The following ANKRD36 variants were observed in gnomAD, a reference collection of about 807,000 sequenced individuals.
The protein encoded by ANKRD36 is ankyrin repeat domain-containing protein 36A.
A neutral mutation model predicts 278.1 loss-of-function variants in ANKRD36; 179 were observed. That is an observed-to-expected ratio of 0.64 (90% confidence interval 0.57 to 0.73). ANKRD36 has a LOEUF of 0.73. ANKRD36 is among the 30% of genes least tolerant of loss of function. The pLI, the probability that ANKRD36 is intolerant of heterozygous loss-of-function variation, is 0.00. For synonymous variants in ANKRD36, 320 were observed against 641.1 expected, an observed-to-expected ratio of 0.50 and a Z score of 7.57; for missense variants, 1,159 against 1,956.7, an observed-to-expected ratio of 0.59 and a Z score of 7.69.
chr2:97,256,340 A>G (rs1193999743), intron 75 of ANKRD36, among the ~76,000 whole-genome samples: 2 of 152,214 alleles, frequency 1.3e-5, no homozygotes, highest in East Asian at 3.9e-4. Context: ...CTGGGCAACA[A>G]AAGCAAAACT....
At chr2:97,240,982 G>GTTTTTTT (rs763385352) in intron 68 of ANKRD36, among the ~76,000 whole-genome samples, 2 of 52,986 alleles carry the variant, frequency 3.8e-5, no homozygotes, top group East Asian at 8.8e-4. Context: ...ACATAACTAT[G>GTTTTTTT]TTTTTTTTTT....
At chr2:97,122,816 T>C (rs1314926924) in intron 3 of ANKRD36, 71 bp from the exon 4 acceptor site, 1 of 1,395,790 alleles carries the variant, frequency 7.2e-7, no homozygotes, top group Non-Finnish European at 9.7e-7. Flanking sequence ...GGATCTTACT[T>C]ACATAAGGTT....
At position 97,113,399 on chromosome 2, in the gene ANKRD36, C is replaced by T. The variant is rs1291973862; in HGVS notation, c.-341C>T. The T allele has an allele frequency of 8.9e-6, 3 of 335,842 alleles. No individual in the cohort carries two copies. Among genetic ancestry groups the T allele is most frequent in the East Asian group, 1.7e-4 (2 of 11,692 alleles). 20.8% of individuals were successfully genotyped at this position (335,842 alleles called of 1,614,324 possible). A position where few individuals can be genotyped will look rare whatever the true frequency, so the allele number is the denominator to read the frequency against. On this transcript the variant is annotated 5_prime_UTR_variant, in exon 1 of 76. Transcript: ENST00000420699. ...GGAGCCTGTGGAAGAGAAGAGCGCG[C>T]GGGCGACAGTTAAACAGGCCCTGGG...
chr2:97,200,589 A>G lies in ANKRD36; in HGVS notation c.2857+64A>G. Reference sequence around the variant, plus strand: ...AGATAAGAAGTTCTCTTCCCCGAATAAATCAGTCGGGGGCTGGTTGAAGCT... The same window carrying G: ...AGATAAGAAGTTCTCTTCCCCGAATGAATCAGTCGGGGGCTGGTTGAAGCT... On this transcript the variant is annotated intron_variant, in intron 46 of 75. Transcript: ENST00000420699. 7 of 1,533,228 alleles carry G rather than the reference A, an allele frequency of 4.6e-6. 1 individual carries two copies. The South Asian group carries it at 4.8e-5, about 11-fold the overall frequency. The allele number at this position is 1,533,228 out of a possible 1,614,324, so 95.0% of individuals were successfully genotyped here. A position where few individuals can be genotyped will look rare whatever the true frequency, so the allele number is the denominator to read the frequency against.
rs1298990662 is a variant in ANKRD36 at position 97,118,270 on chromosome 2, A to G, written c.313-74A>G. ...TATCTCATTGGAATACCACCATATA[A>G]CTAGTAGGAAATCCTACGGAGTGTT... is the stretch of plus-strand genomic sequence containing the variant. On this transcript the variant is annotated intron_variant, in intron 2 of 75. Coordinates refer to ENST00000420699, the MANE Select transcript of ANKRD36 (RefSeq NM_001354587.1). The G allele has an allele frequency of 2.5e-6, 4 of 1,607,162 alleles. No individual in the cohort carries two copies. In the Admixed American group the frequency reaches 6.8e-5, roughly 27 times the overall value.
At chr2:97,127,829 T>C (rs1385032044) in intron 6 of ANKRD36, among the ~76,000 whole-genome samples, 2 of 152,050 alleles carry the variant, frequency 1.3e-5, no homozygotes, top group Non-Finnish European at 2.9e-5. Context: ...TTTTACTTAA[T>C]TTTTTATTTG....
rs1373326446 is a variant in ANKRD36, at chr2:97,194,757, A to G, written c.2478+3A>G. On this transcript the variant is annotated splice_donor_region_variant and intron_variant, in intron 39 of 75. Transcript: ENST00000420699. ...CTCGGAAAAAACCAGCCTTGAAGGT[A>G]ATGAAACTCTCATTCATATTGTGAG... 1.8e-5 allele frequency: 29 copies of G among 1,603,728 alleles called. 1 individual carries two copies. In the Admixed American group the frequency reaches 4.5e-4, roughly 25 times the overall value.
At chr2:97,137,623 G>A (rs2041877209) in intron 6 of ANKRD36, among the ~76,000 whole-genome samples, 2 of 151,994 alleles carry the variant, frequency 1.3e-5, no homozygotes, top group African/African-American at 4.8e-5. Context: ...TATATGCCCA[G>A]TAATGGGATT....
chr2:97,220,933 CG>C (rs1194221307), intron 66 of ANKRD36, among the ~76,000 whole-genome samples: 4 of 102,002 alleles, frequency 3.9e-5, no homozygotes, highest in South Asian at 7.1e-4. Context: ...CCCCCTCCCC[CG>C]ACCCCACCAC....
At chr2:97,137,961 T>C (rs753981907) in intron 6 of ANKRD36, among the ~76,000 whole-genome samples, 19 of 152,108 alleles carry the variant, frequency 1.2e-4, no homozygotes, top group East Asian at 1.9e-4. Context: ...ATCGTTTGTT[T>C]TCTTGTAAAT....
intron 46 of ANKRD36, 73 bp from the exon 47 acceptor site, chr2:97,202,129 A>C: frequency 6.3e-7 from 1 of 1,596,568 alleles, no homozygotes; most frequent in South Asian, 1.1e-5. Flanking sequence ...GGTTGATTCT[A>C]ACAGTGCTCG....
chr2:97,202,433 G>A (rs199728921), intron 48 of ANKRD36, 40 bp downstream of exon 48: 2,701 of 1,539,814 alleles, frequency 1.8e-3, no homozygotes, highest in Non-Finnish European at 2.0e-3. Flanking sequence ...TTCAGTCCAG[G>A]TAGATAAGAA....
At chr2:97,155,418 G>A (rs1409287861) in intron 15 of ANKRD36, among the ~76,000 whole-genome samples, 1 of 145,416 alleles carries the variant, frequency 6.9e-6, no homozygotes, top group Non-Finnish European at 1.6e-5. Flanking sequence ...GACCAAGCTT[G>A]GCAATACAGC....
intron 67 of ANKRD36, among the ~76,000 whole-genome samples, chr2:97,225,885 T>C (rs2153662045): frequency 6.6e-6 from 1 of 151,778 alleles, no homozygotes; most frequent in South Asian, 2.1e-4. Flanking sequence ...GTTTGGTTTT[T>C]TGTCCTTGCG....
intron 75 of ANKRD36, among the ~76,000 whole-genome samples, chr2:97,260,345 A>AAGAT (rs1352475681): frequency 4.3e-5 from 3 of 70,490 alleles, no homozygotes; most frequent in Non-Finnish European, 8.0e-5. Context: ...AATATTTTAA[A>AAGAT]AGATATATAT....
At position 97,176,777 on chromosome 2, in the gene ANKRD36, C is replaced by T. The variant is rs546762107; in HGVS notation, c.1634-2961C>T. Among the ~76,000 whole-genome samples, 7 of 151,752 alleles carry T rather than the reference C, an allele frequency of 4.6e-5. No individual in the cohort carries two copies. In the East Asian group the frequency reaches 5.9e-4, roughly 13 times the overall value. On this transcript the variant is annotated intron_variant, in intron 22 of 75. Transcript: ENST00000420699. ...AGAGTCTGGTACCGGTTGTTCCTTT[C>T]GATTTTTAGCGCTTCCTTCAGGAGC...
chr2:97,180,944 G>A (rs766158620), intron 24 of ANKRD36, among the ~76,000 whole-genome samples: 9 of 151,692 alleles, frequency 5.9e-5, no homozygotes, highest in African/African-American at 7.2e-5. Flanking sequence ...ATATATTATC[G>A]TTTGTTGCCA....
rs28874632 is a variant in ANKRD36, at chr2:97,220,934, G to A, written c.3877+1688G>A. Among the ~76,000 whole-genome samples the A allele has an allele frequency of 5.6e-5, 4 of 71,168 alleles. No individual in the cohort carries two copies. In the East Asian group the frequency reaches 1.6e-3, roughly 28 times the overall value. The allele number at this position is 71,168 out of a possible 152,430, so 46.7% of individuals were successfully genotyped here. On this transcript the variant is annotated intron_variant, in intron 66 of 75. Transcript: ENST00000420699. ...CAATGCTATCCCTCCCCCCTCCCCC[G>A]ACCCCACCACAGTCCCCAGAGTGTG...
chr2:97,175,104 C>T (rs2053840011), intron 22 of ANKRD36, among the ~76,000 whole-genome samples: 1 of 149,506 alleles, frequency 6.7e-6, no homozygotes. Context: ...TGTTGTGTCT[C>T]TGCCTGGCTT....
Sources: allele counts gnomAD v4.1 joint callset (sites outside exome capture counted in the v4.1 genomes callset), GRCh38; gene constraint gnomAD v4.1.1; transcripts MANE v1.5; gene names NCBI Gene and HGNC (gene_info 2026-07-23, HGNC 2026-07-21).